The following DNAH2 variants were observed in gnomAD, a reference collection of about 807,000 sequenced individuals.
DNAH2 encodes the protein dynein axonemal heavy chain 2.
In DNAH2, 323 loss-of-function variants were observed where a neutral mutation model predicts 523.5. The observed-to-expected ratio is 0.62, with a 90% CI of 0.56 to 0.68. DNAH2 has a LOEUF of 0.68. Ranked by LOEUF, DNAH2 falls within the 30% of genes least tolerant of loss-of-function variation. The pLI is 0.00. For synonymous variants in DNAH2, 2,093 were observed against 2,177.4 expected (o/e 0.96, Z 1.08); for missense variants, 4,907 against 5,701.5 (o/e 0.86, Z 4.49).
At chr17:7,758,188 G>A (rs976695077) in intron 13 of DNAH2, among the ~76,000 whole-genome samples, 1 of 152,146 alleles carries the variant, frequency 6.6e-6, no homozygotes, top group African/African-American at 2.4e-5. Context: ...ATTGGTACAG[G>A]CCACATTTCA....
At chr17:7,755,808 C>CTTT (rs57342823) in intron 12 of DNAH2, among the ~76,000 whole-genome samples, 1 of 145,408 alleles carries the variant, frequency 6.9e-6, no homozygotes, top group African/African-American at 2.5e-5. Flanking sequence ...CCTGGTATCT[C>CTTT]TTTTTTTTTT....
At position 7,819,323 on chromosome 17, in the gene DNAH2, C is replaced by T; in HGVS notation, c.10930C>T (p.Leu3644Phe). Residue 3644 changes from leucine to phenylalanine, a missense_variant, in exon 72 of 86, where the codon CTC (leucine) becomes TTC (phenylalanine). Leu to Phe is a conservative substitution (Grantham distance 22, BLOSUM62 0). Coordinates refer to ENST00000572933, the MANE Select transcript of DNAH2 (RefSeq NM_020877.5). ...GGATGCCTACATCAGCCTCTTTATTCTCAGCATTGACAAAAGCCACCGCAG... is the reference window on the plus strand; with the variant it reads ...GGATGCCTACATCAGCCTCTTTATTTTCAGCATTGACAAAAGCCACCGCAG... Reference protein sequence around the residue: ...SLDAYISLFILSIDKSHRSNK... With the variant: ...SLDAYISLFIFSIDKSHRSNK... 1 of 1,614,242 alleles carries T rather than the reference C, an allele frequency of 6.2e-7. No individual in the cohort carries two copies. Among genetic ancestry groups the T allele is most frequent in the Middle Eastern group, 1.6e-4 (1 of 6,062 alleles).
rs199632323 is a variant in DNAH2, at chr17:7,817,699, C to T, written c.10159C>T (p.Arg3387Ter). The T allele has an allele frequency of 2.5e-5, 41 of 1,614,126 alleles. No individual in the cohort carries two copies. Among genetic ancestry groups the T allele is most frequent in the Admixed American group, 8.3e-5 (5 of 60,022 alleles). Residue 3387 changes from arginine (R) to a stop codon, truncating the protein, a stop_gained, in exon 66 of 86, where the codon CGA becomes TGA. Coordinates refer to ENST00000572933, the MANE Select transcript of DNAH2 (RefSeq NM_020877.5). LOFTEE classifies it high-confidence loss of function. ...FSTENGIIVT[R>*]GNRWALMIDP... The stretch of plus-strand genomic sequence containing the variant: ...CACTGAGAATGGCATCATCGTCACC[C>T]GAGGCAACAGGTGAGGGTGCTGCTG...
At position 7,780,953 on chromosome 17, in the gene DNAH2, T is replaced by C. The variant is rs2076589088; in HGVS notation, c.6004-89T>C. On this transcript the variant is annotated intron_variant, in intron 38 of 85. Transcript: ENST00000572933. This position sits in a 1 kb window ranked among gnomAD's most constrained non-coding sequence, Gnocchi z 4.4. ...GCTAATGGCTAACTGGTGTATCCATTGTTCTTGGCACGTGCCCCGAAGCCC... is the reference window on the plus strand; with the variant it reads ...GCTAATGGCTAACTGGTGTATCCATCGTTCTTGGCACGTGCCCCGAAGCCC... 3 of 1,602,392 alleles carry C rather than the reference T, an allele frequency of 1.9e-6. No individual in the cohort carries two copies. In the South Asian group the frequency reaches 3.3e-5, roughly 18 times the overall value.
chr17:7,801,546 G>A (rs756501812), intron 56 of DNAH2, 32 bp from the exon 57 acceptor site: 12 of 1,613,038 alleles, frequency 7.4e-6, no homozygotes, highest in Middle Eastern at 1.7e-4. Context: ...GTCTGTGCAC[G>A]GAATTTACAG....
In DNAH2 at chr17:7,807,308, C is replaced by G. The variant is rs867457543; in HGVS notation, c.9601C>G (p.Arg3201Gly). 7 of 1,612,530 alleles carry G rather than the reference C, an allele frequency of 4.3e-6. No homozygotes were observed. In the African/African-American group the frequency reaches 9.4e-5, roughly 22 times the overall value. Residue 3201 changes from arginine (R) to glycine (G), a missense_variant, in exon 62 of 86, where the codon CGG becomes GGG. Around this residue, in one of 3 missense-constraint regions of DNAH2, gnomAD observed 1,851 missense variants for 2,139.4 expected, o/e 0.87. Coordinates refer to ENST00000572933, the MANE Select transcript of DNAH2 (RefSeq NM_020877.5). This position sits in a 1 kb window ranked among gnomAD's most constrained non-coding sequence, Gnocchi z 5.6. ...LAAKSLCMWVRAMELYGRLYR... is the reference protein window; with the variant it reads ...LAAKSLCMWVGAMELYGRLYR... The stretch of plus-strand genomic sequence containing the variant: ...TGCCAAGTCCCTCTGCATGTGGGTG[C>G]GGGCCATGGAGGTAAAGGCGTCAGG...
intron 28 of DNAH2, among the ~76,000 whole-genome samples, 190 bp from the exon 29 acceptor site, chr17:7,774,569 G>A (rs957321910): frequency 6.6e-6 from 1 of 152,186 alleles, no homozygotes; most frequent in Non-Finnish European, 1.5e-5. Flanking sequence ...AATGAATACT[G>A]TAATGAATTA....
At chr17:7,773,391 CCTT>C (rs2076368812) in intron 28 of DNAH2, among the ~76,000 whole-genome samples, 1 of 152,100 alleles carries the variant, frequency 6.6e-6, no homozygotes, top group Non-Finnish European at 1.5e-5. Context: ...TTCCTCCAGC[CCTT>C]CTTTTCTTTT....
intron 56 of DNAH2, among the ~76,000 whole-genome samples, chr17:7,799,574 T>C (rs2077165469): frequency 6.6e-6 from 1 of 152,126 alleles, no homozygotes; most frequent in South Asian, 2.1e-4. Context: ...CCCAACACTT[T>C]GGGAGGCCTA....
At chr17:7,719,661 CA>C in intron 1 of DNAH2, 59 bp from the exon 2 acceptor site, 2 of 1,594,944 alleles carry the variant, frequency 1.3e-6, no homozygotes, top group African/African-American at 1.3e-5. Flanking sequence ...CTGCTTGTAT[CA>C]GGGGGCTGGT....
chr17:7,741,319 C>CCTTCCT (rs1555540854), intron 11 of DNAH2, among the ~76,000 whole-genome samples: 438 of 37,006 alleles, frequency 0.012, 24 homozygotes, highest in South Asian at 0.033. Flanking sequence ...CCCTCCCTCC[C>CCTTCCT]TCCCTCCTTC....
intron 12 of DNAH2, chr17:7,755,004 G>T: frequency 2.5e-6 from 1 of 393,964 alleles, no homozygotes; most frequent in Non-Finnish European, 4.5e-6. Flanking sequence ...CAGGAAGAAG[G>T]GTTAGCCTTG....
intron 57 of DNAH2, 75 bp from the exon 58 acceptor site, chr17:7,801,803 G>A (rs896482216): frequency 3.1e-6 from 5 of 1,605,746 alleles, no homozygotes; most frequent in East Asian, 4.5e-5. Flanking sequence ...TCTCCTTCCC[G>A]CCTCTCATCG....
At chr17:7,765,686 G>A in intron 21 of DNAH2, 121 bp downstream of exon 21, 1 of 1,163,398 alleles carries the variant, frequency 8.6e-7, no homozygotes. Flanking sequence ...CTGGGGTGGG[G>A]GAAGAGCCTC....
intron 7 of DNAH2, among the ~76,000 whole-genome samples, chr17:7,735,603 T>C (rs2075119105): frequency 6.6e-6 from 1 of 151,880 alleles, no homozygotes; most frequent in South Asian, 2.1e-4. Context: ...CATGCCCGGC[T>C]AACTGTTGTA....
At position 7,818,081 on chromosome 17, in the gene DNAH2, T is replaced by C. The variant is rs745798136; in HGVS notation, c.10372T>C (p.Ser3458Pro). ...DPTLNPMLNK[S>P]VARIGGRLLM... ...CACACTGAACCCCATGCTCAACAAA[T>C]CTGTAGCCCGAATCGGTCAGGACAA... The change falls in exon 68 of 86, where the codon TCT (serine) becomes CCT (proline). Residue 3458 changes from serine to proline, a missense_variant. Ser to Pro is a moderately conservative substitution (Grantham distance 74). This residue lies in a region of DNAH2 where 1,851 missense variants were observed against 2,139.4 expected (regional missense o/e 0.87). Coordinates refer to ENST00000572933, the MANE Select transcript of DNAH2 (RefSeq NM_020877.5). 3.7e-6 allele frequency: 6 copies of C among 1,612,062 alleles called. No individual in the cohort carries two copies. Among genetic ancestry groups the C allele is most frequent in the Non-Finnish European group, 5.1e-6 (6 of 1,180,006 alleles).
chr17:7,805,242 T>C lies in DNAH2; in HGVS notation c.9301-10T>C, dbSNP rs753266926. 2.5e-5 allele frequency: 40 copies of C among 1,613,956 alleles called. No homozygotes were observed. Among genetic ancestry groups the C allele is most frequent in the Non-Finnish European group, 3.0e-5 (35 of 1,179,974 alleles). On this transcript the variant is annotated splice_polypyrimidine_tract_variant and intron_variant, in intron 60 of 85. Coordinates refer to ENST00000572933, the MANE Select transcript of DNAH2 (RefSeq NM_020877.5). ...CTGTCTTACCCTCACTTTATCCCCT[T>C]TTCCCCCAGGCCCTGGAGTCTCTGA...
intron 3 of DNAH2, 81 bp from the exon 4 acceptor site, chr17:7,727,041 T>G (rs1357910923): frequency 7.0e-7 from 1 of 1,429,192 alleles, no homozygotes; most frequent in African/African-American, 1.5e-5. Context: ...ATCTCCCATG[T>G]CCTCACTTGT....
chr17:7,827,984 G>T (rs1158501771), intron 77 of DNAH2, among the ~76,000 whole-genome samples: 1 of 151,974 alleles, frequency 6.6e-6, no homozygotes, highest in Non-Finnish European at 1.5e-5. Context: ...GCCCAGACTG[G>T]AGTGCACTGG....
Sources: gnomAD v4.1 joint callset for allele counts (sites outside exome capture counted in the v4.1 genomes callset) on GRCh38, gnomAD v4.1.1 for gene constraint, gnomAD v4.1.1 regional missense constraint, Gnocchi (gnomAD v3.1) non-coding constraint, MANE v1.5 for transcripts, NCBI Gene and HGNC (gene_info 2026-07-23, HGNC 2026-07-21) for gene names.